Variants in SLC37A1 observed in about 807,000 individuals in gnomAD.
The protein encoded by SLC37A1 is solute carrier family 37 member 1, also known as glucose-6-phosphate exchanger SLC37A1.
SLC37A1 carries 49 observed loss-of-function variants against 75.3 expected under a neutral mutation model. The ratio of observed to expected loss-of-function variants is 0.65; its 90% CI spans 0.52 to 0.83. The LOEUF (loss-of-function observed/expected upper bound fraction) is 0.83. SLC37A1 is among the 40% of genes least tolerant of loss of function. SLC37A1 has a pLI of 0.00. For missense variants in SLC37A1, 566 were observed against 695.0 expected, an observed-to-expected ratio of 0.81 and a Z score of 2.09; for synonymous variants, 268 against 292.1, an observed-to-expected ratio of 0.92 and a Z score of 0.84.
Position 42,565,870 on chromosome 21 carries a change from C to T in SLC37A1, c.1265C>T (p.Thr422Ile). 1 of 1,613,978 alleles carries T rather than the reference C, an allele frequency of 6.2e-7. No homozygotes were observed. The highest frequency in any genetic ancestry group is 8.5e-7 in the Non-Finnish European group (1 of 1,179,902). The change falls in exon 15 of 20, where the codon ACC becomes ATC. Residue 422 changes from threonine to isoleucine, a missense_variant. Thr to Ile is a moderately conservative substitution (Grantham distance 89). Coordinates refer to ENST00000352133, the MANE Select transcript of SLC37A1 (RefSeq NM_001320537.2). ...STVSKMGLEA[T>I]IAMLLLSGAL... ...GTCAGCAAGATGGGGCTTGAGGCCA[C>T]CATCGGTGAGTATGGAGGCCTTCCT... is the stretch of plus-strand genomic sequence containing the variant.
intron 2 of SLC37A1, among the ~76,000 whole-genome samples, chr21:42,503,551 C>T (rs2054359659): frequency 6.6e-6 from 1 of 152,100 alleles, no homozygotes; most frequent in Non-Finnish European, 1.5e-5. Flanking sequence ...ACCCAGCCTC[C>T]ATTTTGTTTT....
intron 2 of SLC37A1, among the ~76,000 whole-genome samples, chr21:42,520,252 G>A (rs1273197421): frequency 2.0e-5 from 3 of 152,036 alleles, no homozygotes; most frequent in Admixed American, 6.6e-5. Flanking sequence ...GATCTAGTTC[G>A]GGTTCATACA....
At chr21:42,572,677 C>CACAAAA (rs1378861804) in intron 17 of SLC37A1, among the ~76,000 whole-genome samples, 8 of 80,518 alleles carry the variant, frequency 9.9e-5, no homozygotes, top group African/African-American at 2.4e-4. Context: ...CACACACACA[C>CACAAAA]AAAAAAAAAA....
Position 42,548,079 on chromosome 21 carries a change from G to T in SLC37A1, c.768+939G>T, listed in dbSNP as rs1450530295. On this transcript the variant is annotated intron_variant, in intron 9 of 19. Coordinates refer to ENST00000352133, the MANE Select transcript of SLC37A1 (RefSeq NM_001320537.2). The surrounding 1 kb of genome is among the most constrained non-coding windows in gnomAD (Gnocchi z 5.6). ...CTCTGGGAAAGGCTCCCCTACCCGG[G>T]CTAACATGTTAGTCACGTCTGTGCC... 6.6e-6 allele frequency among the ~76,000 whole-genome samples: 1 copy of T among 152,166 alleles called. No individual in the cohort carries two copies. The highest frequency in any genetic ancestry group is 1.5e-5 in the Non-Finnish European group (1 of 68,024).
At chr21:42,519,077 G>C (rs527326892) in intron 2 of SLC37A1, among the ~76,000 whole-genome samples, 2 of 152,304 alleles carry the variant, frequency 1.3e-5, no homozygotes, top group East Asian at 3.9e-4. Context: ...CCTCTAACTT[G>C]TCCTGCTGAC....
chr21:42,505,985 G>A (rs1219277455), intron 2 of SLC37A1, among the ~76,000 whole-genome samples: 1 of 152,182 alleles, frequency 6.6e-6, no homozygotes, highest in Non-Finnish European at 1.5e-5. Flanking sequence ...GCACAAATTG[G>A]TTGAATGTTC....
chr21:42,518,484 C>G lies in SLC37A1; in HGVS notation c.30C>G (p.Phe10Leu). MARLPAGIR[F>L]IISFSRDQWY... is the part of the protein sequence containing the mutation. ...CTCGACTCCCCGCTGGCATTCGCTT[C>G]ATCATCTCATTCTCCAGGGATCAGT... Residue 10 changes from phenylalanine to leucine, a missense_variant, in exon 2 of 20, where the codon TTC becomes TTG. Coordinates refer to ENST00000352133, the MANE Select transcript of SLC37A1 (RefSeq NM_001320537.2). 3 of 1,614,204 alleles carry G rather than the reference C, an allele frequency of 1.9e-6. No homozygotes were observed. Among genetic ancestry groups the G allele is most frequent in the Non-Finnish European group, 2.5e-6 (3 of 1,180,040 alleles).
intron 3 of SLC37A1, among the ~76,000 whole-genome samples, chr21:42,530,654 A>ACCCCCCCC (rs1555882111): frequency 1.4e-4 from 5 of 35,896 alleles, no homozygotes; most frequent in South Asian, 7.7e-4. Context: ...ACACACACAC[A>ACCCCCCCC]CCCCCTCTGT....
At chr21:42,534,885 C>CTATT in intron 4 of SLC37A1, 55 bp downstream of exon 4, 3 of 1,582,196 alleles carry the variant, frequency 1.9e-6, no homozygotes, top group Non-Finnish European at 2.6e-6. Context: ...TCCAGCCTTG[C>CTATT]TATTAATCAC....
chr21:42,563,338 C>T (rs2146988044), intron 12 of SLC37A1, among the ~76,000 whole-genome samples: 1 of 152,296 alleles, frequency 6.6e-6, no homozygotes, highest in African/African-American at 2.4e-5. Context: ...GACCCACAGC[C>T]CCAGATGCCG....
chr21:42,508,315 G>C (rs2054403842), intron 2 of SLC37A1, among the ~76,000 whole-genome samples: 1 of 151,954 alleles, frequency 6.6e-6, no homozygotes, highest in African/African-American at 2.4e-5. Flanking sequence ...TTTTAGTAGA[G>C]ACAGGGTTTC....
chr21:42,555,845 G>C (rs2055675840), intron 10 of SLC37A1, among the ~76,000 whole-genome samples: 1 of 152,238 alleles, frequency 6.6e-6, no homozygotes, highest in African/African-American at 2.4e-5. Flanking sequence ...TCAGGCTGAG[G>C]GTGACGACCA....
upstream of SLC37A1, among the ~76,000 whole-genome samples, chr21:42,513,268 C>T (rs2054458176): frequency 6.6e-6 from 1 of 152,194 alleles, no homozygotes; most frequent in Non-Finnish European, 1.5e-5. Context: ...GGTAAGAACC[C>T]GGCGGGCTCC....
At chr21:42,567,177 C>T in intron 16 of SLC37A1, 119 bp downstream of exon 16, 1 of 977,020 alleles carries the variant, frequency 1.0e-6, no homozygotes, top group East Asian at 2.6e-5. Context: ...TTTTTGGCAG[C>T]TCACCTACAC....
chr21:42,508,419 G>A (rs563416099), intron 2 of SLC37A1, among the ~76,000 whole-genome samples: 4 of 152,228 alleles, frequency 2.6e-5, no homozygotes, highest in Admixed American at 1.3e-4. Context: ...ATGAGCCACC[G>A]TGCCTGGCCT....
intron 19 of SLC37A1, among the ~76,000 whole-genome samples, 168 bp from the exon 20 acceptor site, chr21:42,580,177 G>T (rs1252454451): frequency 2.6e-5 from 4 of 152,026 alleles, no homozygotes; most frequent in African/African-American, 7.3e-5. Flanking sequence ...TGCGGGAAAG[G>T]TGCAAGGGTT....
At chr21:42,575,022 G>C in intron 18 of SLC37A1, 107 bp downstream of exon 18, 1 of 1,513,880 alleles carries the variant, frequency 6.6e-7, no homozygotes, top group Non-Finnish European at 8.8e-7. Context: ...TATCAGAGAG[G>C]TTTGGGTCTT....
At chr21:42,507,708 C>T (rs2054397016) in intron 2 of SLC37A1, among the ~76,000 whole-genome samples, 1 of 152,150 alleles carries the variant, frequency 6.6e-6, no homozygotes, top group South Asian at 2.1e-4. Context: ...GTGGAGCAGG[C>T]CTCACATAGT....
rs751744995 is a variant in SLC37A1, at chr21:42,543,457, C to G, written c.585C>G (p.Val195=). 1 of 1,614,148 alleles carries G rather than the reference C, an allele frequency of 6.2e-7. No homozygotes were observed. The highest frequency in any genetic ancestry group is 8.5e-7 in the Non-Finnish European group (1 of 1,180,022). Residue 195 remains valine, a synonymous_variant, in exon 8 of 20, where the codon GTC becomes GTG. Transcript: ENST00000352133. ...GKGRRGLIMG[V]WNSHTSVGNI... ...GCAGGAGAGGTTTGATTATGGGGGT[C>G]TGGAACTCCCACACCTCCGTGGGCA...
Sources: allele counts gnomAD v4.1 joint callset (sites outside exome capture counted in the v4.1 genomes callset), GRCh38; gene constraint gnomAD v4.1.1; non-coding constraint Gnocchi (gnomAD v3.1); transcripts MANE v1.5; gene names NCBI Gene and HGNC (gene_info 2026-07-23, HGNC 2026-07-21).